The following SPMAP2 variants were observed in gnomAD, a reference collection of about 807,000 sequenced individuals.
SPMAP2 encodes sperm microtubule associated protein 2, also known as Theg homolog.
At chr19:374,393 T>C in the SPMAP2 span, 1 of 1,614,122 alleles carries the variant, frequency 6.2e-7, no homozygotes, top group Non-Finnish European at 8.5e-7. Context: ...ATGGTGGTGC[T>C]GGGGAGCTTC....
chr19:363,682 C>T, the SPMAP2 span, among the ~76,000 whole-genome samples: 4 of 148,882 alleles, frequency 2.7e-5, no homozygotes, highest in South Asian at 4.3e-4. Flanking sequence ...TACAGGCGCC[C>T]GCCACCACGC....
the SPMAP2 span, chr19:374,580 G>T: frequency 9.8e-7 from 1 of 1,022,044 alleles, no homozygotes; most frequent in Non-Finnish European, 1.4e-6. Context: ...GAGGACTTTG[G>T]CACCACGAAG....
the SPMAP2 span, among the ~76,000 whole-genome samples, chr19:375,149 G>A: frequency 1.6e-4 from 25 of 152,120 alleles, no homozygotes; most frequent in Non-Finnish European, 3.4e-4. Flanking sequence ...GCCTTGCTGG[G>A]GACACTCCAG....
the SPMAP2 span, chr19:362,268 C>T: frequency 7.9e-5 from 126 of 1,592,958 alleles, 1 homozygote; most frequent in Middle Eastern, 3.3e-4. Flanking sequence ...CTCATAGAGG[C>T]GAGGGGACGC....
chr19:370,097 G>T, the SPMAP2 span, among the ~76,000 whole-genome samples: 1 of 152,166 alleles, frequency 6.6e-6, no homozygotes, highest in African/African-American at 2.4e-5. Flanking sequence ...GCAAGATGGT[G>T]GCCAGGATGG....
chr19:362,613 C>T, the SPMAP2 span, among the ~76,000 whole-genome samples: 1 of 151,828 alleles, frequency 6.6e-6, no homozygotes. Flanking sequence ...ACTAAAAATA[C>T]AAGAATTAGC....
the SPMAP2 span, chr19:362,424 G>A: frequency 6.3e-7 from 1 of 1,599,694 alleles, no homozygotes; most frequent in African/African-American, 1.3e-5. Flanking sequence ...TGAGCTTTGG[G>A]CCCTAGTGGG....
chr19:362,314 G>A, the SPMAP2 span: 2 of 1,610,234 alleles, frequency 1.2e-6, no homozygotes, highest in East Asian at 2.2e-5. Flanking sequence ...TGCGCACTTT[G>A]GGCTTGGCCA....
the SPMAP2 span, chr19:375,989 C>A: frequency 7.2e-6 from 10 of 1,383,978 alleles, no homozygotes; most frequent in Non-Finnish European, 9.3e-6. Flanking sequence ...CCCTTCCCAG[C>A]CCCCGCGGCC....
the SPMAP2 span, among the ~76,000 whole-genome samples, chr19:372,936 G>A: frequency 9.5e-3 from 1,445 of 152,346 alleles, 25 homozygotes; most frequent in African/African-American, 0.033. Context: ...CCGGATGGGA[G>A]TGGCAGGGCT....
the SPMAP2 span, among the ~76,000 whole-genome samples, chr19:370,923 C>T: frequency 1.9e-4 from 29 of 152,270 alleles, no homozygotes; most frequent in East Asian, 3.7e-3. Flanking sequence ...TGAGCTGGGG[C>T]GAGAGATGAG....
chr19:364,119 G>A, the SPMAP2 span, among the ~76,000 whole-genome samples: 41 of 150,946 alleles, frequency 2.7e-4, no homozygotes, highest in African/African-American at 9.4e-4. Flanking sequence ...GGATCACAAG[G>A]TCAGGAGATC....
chr19:371,329 G>C, the SPMAP2 span: 1 of 1,448,554 alleles, frequency 6.9e-7, no homozygotes, highest in Non-Finnish European at 9.1e-7. Flanking sequence ...CGTCCTGGGG[G>C]AGGTCCCCAT....
At chr19:370,174 C>T in the SPMAP2 span, among the ~76,000 whole-genome samples, 2 of 152,182 alleles carry the variant, frequency 1.3e-5, no homozygotes, top group African/African-American at 2.4e-5. Context: ...AGAGCCTGAG[C>T]TCAATCCCGG....
chr19:367,149 G>A, the SPMAP2 span: 3 of 1,612,410 alleles, frequency 1.9e-6, no homozygotes, highest in East Asian at 4.5e-5. Flanking sequence ...AGGGTGGCTG[G>A]GGCCTTCGGC....
At chr19:367,014 T>G in the SPMAP2 span, 1 of 1,592,212 alleles carries the variant, frequency 6.3e-7, no homozygotes, top group East Asian at 2.3e-5. Flanking sequence ...AGGTGTCCCT[T>G]GGGATCTGAA....
chr19:362,714 G>C, the SPMAP2 span, among the ~76,000 whole-genome samples: 3 of 143,920 alleles, frequency 2.1e-5, no homozygotes, highest in African/African-American at 7.9e-5. Flanking sequence ...TGCAGTGAGC[G>C]CAGATCGCGT....
At chr19:367,323 A>G in the SPMAP2 span, 4 of 1,175,468 alleles carry the variant, frequency 3.4e-6, no homozygotes, top group Non-Finnish European at 4.7e-6. Context: ...GAAAGACACA[A>G]GACAGACTGG....
At chr19:362,659 G>A in the SPMAP2 span, among the ~76,000 whole-genome samples, 221 of 151,752 alleles carry the variant, frequency 1.5e-3, no homozygotes, top group African/African-American at 5.0e-3. Flanking sequence ...CCAGCTACTC[G>A]GGAGGTTGAG....
Sources: allele counts gnomAD v4.1 joint callset (sites outside exome capture counted in the v4.1 genomes callset), GRCh38; gene constraint gnomAD v4.1.1; transcripts MANE v1.5; gene names NCBI Gene and HGNC (gene_info 2026-07-23, HGNC 2026-07-21).